RPS6KA2: variants seen among roughly 807,000 people sequenced by gnomAD.
The protein encoded by RPS6KA2 is ribosomal protein S6 kinase A2.
A neutral mutation model predicts 91.8 loss-of-function variants in RPS6KA2; 42 were observed. The observed-to-expected ratio is 0.46, with a 90% CI of 0.36 to 0.59. The LOEUF is 0.59. Ranked by LOEUF, RPS6KA2 falls within the 20% of genes least tolerant of loss-of-function variation. The pLI is 0.00. For missense variants in RPS6KA2, 798 were observed against 978.5 expected (o/e 0.82, Z 2.46); for synonymous variants, 414 against 393.6 (o/e 1.05, Z -0.61).
chr6:166,606,033 G>A (rs1307850726), intron 1 of RPS6KA2, among the ~76,000 whole-genome samples: 1 of 152,156 alleles, frequency 6.6e-6, no homozygotes, highest in Non-Finnish European at 1.5e-5. Flanking sequence ...TCTACAAGAG[G>A]GCAAAGGCAG....
chr6:166,434,641 G>T lies in RPS6KA2; in HGVS notation c.1333-2151C>A, dbSNP rs763208658. ...AAAATACATTTATAAATTTATAAAA[G>T]AATTCAGTAGAAGATTTTTTCGCAA... On this transcript the variant is annotated intron_variant, in intron 14 of 20. Coordinates refer to ENST00000265678, the MANE Select transcript of RPS6KA2 (RefSeq NM_021135.6). This position sits in a 1 kb window ranked among gnomAD's most constrained non-coding sequence, Gnocchi z 4.4. Among the ~76,000 whole-genome samples, 1 of 152,202 alleles carries T rather than the reference G, an allele frequency of 6.6e-6. No homozygotes were observed. Among genetic ancestry groups the T allele is most frequent in the South Asian group, 2.1e-4 (1 of 4,828 alleles).
chr6:166,543,307 T>C (rs533390615), intron 1 of RPS6KA2, among the ~76,000 whole-genome samples: 1 of 152,332 alleles, frequency 6.6e-6, no homozygotes, highest in South Asian at 2.1e-4. Flanking sequence ...ATGTTCTATG[T>C]TGCCCACCTG....
intron 2 of RPS6KA2, among the ~76,000 whole-genome samples, chr6:166,669,426 C>CTG (rs974242768): frequency 3.9e-5 from 6 of 152,340 alleles, no homozygotes; most frequent in Admixed American, 3.9e-4. Context: ...AACACACTGT[C>CTG]TGATCCCAAA....
chr6:166,758,182 A>G (rs1418087125), intron 2 of RPS6KA2, among the ~76,000 whole-genome samples: 1 of 152,208 alleles, frequency 6.6e-6, no homozygotes, highest in African/African-American at 2.4e-5. Context: ...AAGGTGAATG[A>G]AAATGGTTGC....
rs201669273 is a variant in RPS6KA2, at chr6:166,585,702, GC to G, written c.99+41218del. Among the ~76,000 whole-genome samples the G allele has an allele frequency of 3.3e-5, 3 of 90,926 alleles. No individual in the cohort carries two copies. In the East Asian group the frequency reaches 7.5e-4, roughly 23 times the overall value. The allele number at this position is 90,926 out of a possible 152,430, so 59.7% of individuals were successfully genotyped here. A position where few individuals can be genotyped will look rare whatever the true frequency, so the allele number is the denominator to read the frequency against. On this transcript the variant is annotated intron_variant, in intron 1 of 20. Transcript: ENST00000265678. ...TGTACAATCTATCACAAAAAGCATA[GC>G]TGTGCATTCATGAGCTGATTATATC... is the stretch of plus-strand genomic sequence containing the variant.
chr6:166,748,281 A>G (rs1791086893), intron 2 of RPS6KA2, among the ~76,000 whole-genome samples: 1 of 152,086 alleles, frequency 6.6e-6, no homozygotes, highest in Non-Finnish European at 1.5e-5. Flanking sequence ...TTCCGGCTCC[A>G]TGCTCCCACT....
Position 166,778,184 on chromosome 6 carries a change from G to A in RPS6KA2, c.123+80016C>T, listed in dbSNP as rs149222458. Among the ~76,000 whole-genome samples, 416 of 152,324 alleles carry A rather than the reference G, an allele frequency of 2.7e-3. 2 individuals carry two copies. Among genetic ancestry groups the A allele is most frequent in the African/African-American group, 9.3e-3 (385 of 41,564 alleles). On this transcript the variant is annotated intron_variant, in intron 2 of 21. Coordinates refer to the RPS6KA2 transcript ENST00000503859. ...CTTAGAAGAACTCAGAGGGTGCCAC[G>A]GGCGCAGCAGAGCCTGGAGACCTGC... is the stretch of plus-strand genomic sequence containing the variant.
chr6:166,423,549 C>T lies in RPS6KA2; in HGVS notation c.1582-132G>A. The T allele has an allele frequency of 1.3e-6, 1 of 753,064 alleles. No individual in the cohort carries two copies. The highest frequency in any genetic ancestry group is 2.1e-6 in the Non-Finnish European group (1 of 476,634). 46.6% of individuals were successfully genotyped at this position (753,064 alleles called of 1,614,324 possible). A position where few individuals can be genotyped will look rare whatever the true frequency, so the allele number is the denominator to read the frequency against. On this transcript the variant is annotated intron_variant, in intron 16 of 20. Coordinates refer to ENST00000265678, the MANE Select transcript of RPS6KA2 (RefSeq NM_021135.6). This position sits in a 1 kb window ranked among gnomAD's most constrained non-coding sequence, Gnocchi z 4.8. The stretch of plus-strand genomic sequence containing the variant: ...CAGGTCCTGCAAGCAGGCAACAGGC[C>T]AACAGTGTCAACAGCTGCTGTCTTC...
At chr6:166,641,287 T>A (rs1269875651) in intron 2 of RPS6KA2, among the ~76,000 whole-genome samples, 1 of 152,056 alleles carries the variant, frequency 6.6e-6, no homozygotes, top group Admixed American at 6.5e-5. Context: ...ATAAATAATA[T>A]AAAATATGTG....
intron 2 of RPS6KA2, among the ~76,000 whole-genome samples, chr6:166,718,714 T>G (rs1790089755): frequency 6.6e-6 from 1 of 152,174 alleles, no homozygotes; most frequent in African/African-American, 2.4e-5. Flanking sequence ...TGGTGTAAGA[T>G]AGCTGCCCCG....
At chr6:166,566,314 T>C (rs1784502758) in intron 1 of RPS6KA2, among the ~76,000 whole-genome samples, 1 of 152,228 alleles carries the variant, frequency 6.6e-6, no homozygotes, top group Admixed American at 6.5e-5. Context: ...AGGCTGCTCC[T>C]TGGCATCTCC....
chr6:166,566,401 A>T (rs1311178293), intron 1 of RPS6KA2, among the ~76,000 whole-genome samples: 2 of 152,220 alleles, frequency 1.3e-5, no homozygotes, highest in African/African-American at 4.8e-5. Context: ...TGAATGAGGG[A>T]TGGATGGCTA....
intron 14 of RPS6KA2, among the ~76,000 whole-genome samples, chr6:166,444,402 A>G (rs1779612281): frequency 6.6e-6 from 1 of 152,226 alleles, no homozygotes; most frequent in Non-Finnish European, 1.5e-5. Flanking sequence ...GGTTATAAAA[A>G]CAAAGGCGGA....
chr6:166,783,633 C>CAT lies in RPS6KA2; in HGVS notation c.123+74565_123+74566dup, dbSNP rs926991206. Among the ~76,000 whole-genome samples the CAT allele has an allele frequency of 3.3e-5, 5 of 152,002 alleles. No homozygotes were observed. In the East Asian group the frequency reaches 5.8e-4, roughly 18 times the overall value. On this transcript the variant is annotated intron_variant, in intron 2 of 21. Transcript: ENST00000503859. ...ATATATGTACACATATCTATAACTG[C>CAT]ATATATACATGTGCACACCTATGCA...
intron 2 of RPS6KA2, among the ~76,000 whole-genome samples, chr6:166,787,975 C>CAAAAAAAAAAAAAAAAAAAAAAAA (rs3066794): frequency 1.3e-5 from 1 of 78,904 alleles, no homozygotes; most frequent in African/African-American, 4.4e-5. Flanking sequence ...AACAAATTTA[C>CAAAAAAAAAAAAAAAAAAAAAAAA]AAAAAAAAAA....
intron 3 of RPS6KA2, among the ~76,000 whole-genome samples, chr6:166,525,734 C>A (rs1414881625): frequency 6.6e-6 from 1 of 152,200 alleles, no homozygotes; most frequent in Non-Finnish European, 1.5e-5. Context: ...TGGACGGCCG[C>A]CTGGGCTTTC....
chr6:166,733,185 G>A lies in RPS6KA2; in HGVS notation c.123+125015C>T, dbSNP rs1226315178. 1.3e-5 allele frequency among the ~76,000 whole-genome samples: 2 copies of A among 152,192 alleles called. No homozygotes were observed. The highest frequency in any genetic ancestry group is 4.8e-5 in the African/African-American group (2 of 41,440). ...ACATGATATCAAATTATACTTGGATGTCACATTATCGGCCAGAATGGGAGT... is the reference window on the plus strand; with the variant it reads ...ACATGATATCAAATTATACTTGGATATCACATTATCGGCCAGAATGGGAGT... On this transcript the variant is annotated intron_variant, in intron 2 of 21. Coordinates refer to the RPS6KA2 transcript ENST00000503859. The surrounding 1 kb of genome is among the most constrained non-coding windows in gnomAD (Gnocchi z 4.1).
exon 1 of RPS6KA2, chr6:166,862,423 C>G: frequency 1.5e-6 from 2 of 1,335,358 alleles, no homozygotes; most frequent in Non-Finnish European, 1.9e-6. Context: ...CCCTGCCAAG[C>G]CAGGGCTCTG....
At chr6:166,569,606 G>T (rs1055899642) in intron 1 of RPS6KA2, among the ~76,000 whole-genome samples, 2 of 152,084 alleles carry the variant, frequency 1.3e-5, no homozygotes, top group Non-Finnish European at 2.9e-5. Flanking sequence ...GGTCTTTCTG[G>T]TCACTCCCAG....
Sources: gnomAD v4.1 joint callset for allele counts (sites outside exome capture counted in the v4.1 genomes callset) on GRCh38, gnomAD v4.1.1 for gene constraint, Gnocchi (gnomAD v3.1) non-coding constraint, MANE v1.5 for transcripts, NCBI Gene and HGNC (gene_info 2026-07-23, HGNC 2026-07-21) for gene names.